Variants in PTPRK observed in about 807,000 individuals in gnomAD.
PTPRK encodes protein tyrosine phosphatase receptor type K, also known as receptor-type tyrosine-protein phosphatase kappa.
PTPRK carries 75 observed loss-of-function variants against 178.0 expected under a neutral mutation model. The ratio of observed to expected loss-of-function variants is 0.42; its 90% CI spans 0.35 to 0.51. The LOEUF is 0.51. Ranked by LOEUF, PTPRK falls within the 20% of genes least tolerant of loss-of-function variation. The pLI is 0.02. For synonymous variants in PTPRK, 637 were observed against 620.6 expected (o/e 1.03, Z -0.39); for missense variants, 1,441 against 1,797.8 (o/e 0.80, Z 3.59).
At chr6:128,224,651 T>C (rs887337400) in intron 5 of PTPRK, among the ~76,000 whole-genome samples, 1 of 152,228 alleles carries the variant, frequency 6.6e-6, no homozygotes, top group African/African-American at 2.4e-5. Context: ...CTGAGTCTTC[T>C]TTCCATTAAC....
intron 2 of PTPRK, among the ~76,000 whole-genome samples, chr6:128,359,112 A>T (rs888142840): frequency 1.3e-5 from 2 of 152,220 alleles, no homozygotes; most frequent in East Asian, 3.9e-4. Context: ...GTAGCATAGG[A>T]TCTCACTGGA....
chr6:128,319,100 CTAAG>C (rs1477795771), intron 3 of PTPRK, among the ~76,000 whole-genome samples: 1 of 152,098 alleles, frequency 6.6e-6, no homozygotes, highest in African/African-American at 2.4e-5. Context: ...TTTGCTGGCT[CTAAG>C]TAAGTGTGAT....
rs1223851216 is a variant in PTPRK at position 127,988,175 on chromosome 6, G to T, written c.3097-2300C>A. Among the ~76,000 whole-genome samples the T allele has an allele frequency of 2.6e-5, 4 of 152,076 alleles. 1 individual carries two copies. The South Asian group carries it at 8.3e-4, about 32-fold the overall frequency. ...AATGAAATTGGTCTGCAATATGTGTGTGCATGGGGAAGAGAGGAAGAGGGG... is the reference window on the plus strand; with the variant it reads ...AATGAAATTGGTCTGCAATATGTGTTTGCATGGGGAAGAGAGGAAGAGGGG... On this transcript the variant is annotated intron_variant, in intron 21 of 29. Transcript: ENST00000368226.
intron 3 of PTPRK, among the ~76,000 whole-genome samples, chr6:128,271,330 G>C (rs1229094930): frequency 6.6e-6 from 1 of 152,144 alleles, no homozygotes; most frequent in Admixed American, 6.6e-5. Context: ...TTTAAACTCT[G>C]ACAGGGATGG....
chr6:128,095,810 T>C (rs1787820434), intron 7 of PTPRK, among the ~76,000 whole-genome samples: 2 of 152,220 alleles, frequency 1.3e-5, no homozygotes, highest in South Asian at 4.1e-4. Flanking sequence ...ACTTATTTTA[T>C]TATACGCTCT....
intron 6 of PTPRK, among the ~76,000 whole-genome samples, chr6:128,214,544 C>CATCATTATTATTATTATT (rs1554349429): frequency 2.0e-5 from 3 of 149,952 alleles, no homozygotes; most frequent in African/African-American, 7.4e-5. Flanking sequence ...ACCAGTGATG[C>CATCATTATTATTATTATT]ATTATTATTA....
intron 5 of PTPRK, among the ~76,000 whole-genome samples, chr6:128,229,568 A>T (rs1441248435): frequency 1.3e-5 from 2 of 152,266 alleles, no homozygotes; most frequent in East Asian, 3.9e-4. Context: ...AAAATGACTG[A>T]TCTCACATCC....
In PTPRK at chr6:128,233,489, C is replaced by T. The variant is rs150321262; in HGVS notation, c.693+6546G>A. Among the ~76,000 whole-genome samples, 683 of 152,292 alleles carry T rather than the reference C, an allele frequency of 4.5e-3. 3 individuals carry two copies. The highest frequency in any genetic ancestry group is 6.9e-3 in the Non-Finnish European group (470 of 68,022). On this transcript the variant is annotated intron_variant, in intron 5 of 29. Transcript: ENST00000368226. ...GGTACAGTAGGGGGTCAGCCTCGCT[C>T]TGGTTGTTTTTGAGAGCAATTTGCA...
intron 11 of PTPRK, among the ~76,000 whole-genome samples, chr6:128,069,365 T>G (rs147450437): frequency 4.6e-4 from 70 of 152,282 alleles, no homozygotes; most frequent in African/African-American, 1.6e-3. Context: ...GCCAAGTTGG[T>G]TGCTAAGCTT....
At chr6:128,480,391 T>G (rs1049151338) in intron 1 of PTPRK, among the ~76,000 whole-genome samples, 28 of 137,416 alleles carry the variant, frequency 2.0e-4, no homozygotes, top group African/African-American at 8.4e-4. Flanking sequence ...CCCAAACCCC[T>G]AGGCTCATAA....
At chr6:128,299,836 C>A (rs1049250939) in intron 3 of PTPRK, among the ~76,000 whole-genome samples, 2 of 152,038 alleles carry the variant, frequency 1.3e-5, no homozygotes, top group Non-Finnish European at 2.9e-5. Flanking sequence ...TCTAAAACAC[C>A]AAAAGCAATG....
At chr6:128,180,681 G>A (rs780540640) in intron 7 of PTPRK, among the ~76,000 whole-genome samples, 2 of 152,106 alleles carry the variant, frequency 1.3e-5, no homozygotes, top group Non-Finnish European at 2.9e-5. Flanking sequence ...ACTGTTTAAA[G>A]TATTTAAAAC....
intron 6 of PTPRK, among the ~76,000 whole-genome samples, chr6:128,193,200 G>A (rs1161345652): frequency 1.6e-5 from 2 of 128,072 alleles, no homozygotes; most frequent in African/African-American, 5.8e-5. Flanking sequence ...AATTAAAAGA[G>A]TTAGTTGACT....
intron 2 of PTPRK, among the ~76,000 whole-genome samples, chr6:128,395,093 T>A (rs1271386026): frequency 6.6e-6 from 1 of 152,148 alleles, no homozygotes; most frequent in Non-Finnish European, 1.5e-5. Flanking sequence ...CATTTTAGCA[T>A]GAAAAATCTA....
intron 16 of PTPRK, among the ~76,000 whole-genome samples, 171 bp downstream of exon 16, chr6:127,998,549 C>T (rs929571535): frequency 2.0e-5 from 3 of 151,774 alleles, no homozygotes; most frequent in African/African-American, 7.3e-5. Context: ...TTTCCCCATT[C>T]CCTTCCCATT....
At chr6:128,217,559 T>C (rs769207608) in intron 6 of PTPRK, among the ~76,000 whole-genome samples, 3 of 152,232 alleles carry the variant, frequency 2.0e-5, no homozygotes, top group Non-Finnish European at 4.4e-5. Flanking sequence ...ATTTCAAATT[T>C]CTTTTCGTTA....
At chr6:128,305,978 T>C (rs1409909691) in intron 3 of PTPRK, among the ~76,000 whole-genome samples, 1 of 152,186 alleles carries the variant, frequency 6.6e-6, no homozygotes, top group Non-Finnish European at 1.5e-5. Flanking sequence ...GAAGCAGATA[T>C]CTTCTTCACA....
In PTPRK at chr6:127,998,854, G is replaced by A. The variant is rs199733311; in HGVS notation, c.2545C>T (p.Arg849Cys). The A allele has an allele frequency of 1.5e-5, 24 of 1,603,916 alleles. No individual in the cohort carries two copies. Among genetic ancestry groups the A allele is most frequent in the Non-Finnish European group, 1.9e-5 (22 of 1,173,674 alleles). The change falls in exon 16 of 30, where the codon CGC becomes TGC. Residue 849 changes from arginine to cysteine, a missense_variant. By Grantham distance (180) the Arg-to-Cys change is radical. Coordinates refer to ENST00000368226, the MANE Select transcript of PTPRK (RefSeq NM_002844.4). ...AESSRLLDVP[R>C]YLCEGTESPY... ...GATTCCGTCCCCTCACAGAGGTAGC[G>A]AGGTACGTCTAGAAGGCGACTGGAC...
chr6:128,163,561 T>C (rs1798975691), intron 7 of PTPRK, among the ~76,000 whole-genome samples: 1 of 151,494 alleles, frequency 6.6e-6, no homozygotes, highest in African/African-American at 2.4e-5. Flanking sequence ...CTGAATTAGC[T>C]TACTTCTTAG....
Sources: gnomAD v4.1 joint callset for allele counts (sites outside exome capture counted in the v4.1 genomes callset) on GRCh38, gnomAD v4.1.1 for gene constraint, MANE v1.5 for transcripts, NCBI Gene and HGNC (gene_info 2026-07-23, HGNC 2026-07-21) for gene names.